Variants in PAQR3 observed in about 807,000 individuals in gnomAD.
PAQR3 encodes the protein progestin and adipoQ receptor family member 3.
A neutral mutation model predicts 41.7 loss-of-function variants in PAQR3; 39 were observed. The observed-to-expected ratio is 0.93, with a 90% CI of 0.72 to 1.22. PAQR3 has a LOEUF of 1.22. Among genes scored for constraint, PAQR3 ranks in the 50% most tolerant of loss-of-function variants. The pLI, the probability that PAQR3 is intolerant of heterozygous loss-of-function variation, is 0.00. For missense variants in PAQR3, 366 were observed against 385.6 expected, an observed-to-expected ratio of 0.95 and a Z score of 0.42; for synonymous variants, 140 against 140.6, an observed-to-expected ratio of 1.00 and a Z score of 0.03.
rs923394095 is a variant in PAQR3, at chr4:78,920,011, A to T, written c.*528T>A. 17 of 985,254 alleles carry T rather than the reference A, an allele frequency of 1.7e-5. No individual in the cohort carries two copies. The African/African-American group carries it at 3.0e-4, about 17-fold the overall frequency. 61.0% of individuals were successfully genotyped at this position (985,254 alleles called of 1,614,324 possible). On this transcript the variant is annotated 3_prime_UTR_variant, in exon 6 of 6. Coordinates refer to ENST00000512733, the MANE Select transcript of PAQR3 (RefSeq NM_001040202.2). ...GAAGAACCTATAGCTAAAGGATATA[A>T]TATCTGAAGTGCCAGTTTCTCACAA... is the stretch of plus-strand genomic sequence containing the variant.
chr4:78,924,039 A>G, intron 4 of PAQR3, 92 bp from the exon 5 acceptor site: 1 of 979,524 alleles, frequency 1.0e-6, no homozygotes, highest in Non-Finnish European at 1.6e-6. Flanking sequence ...TAAGATTGTT[A>G]AATCTGAACT....
rs186202272 is a variant in PAQR3 at position 78,917,789 on chromosome 4, C to T, written c.*2750G>A. On this transcript the variant is annotated 3_prime_UTR_variant, in exon 6 of 6. Transcript: ENST00000512733. ...CCAAATGGAGAGTTGTACAGTTTTACGGAAGTCAATCACAATCTTCAAATC... is the reference window on the plus strand; with the variant it reads ...CCAAATGGAGAGTTGTACAGTTTTATGGAAGTCAATCACAATCTTCAAATC... 37 of 983,236 alleles carry T rather than the reference C, an allele frequency of 3.8e-5. No individual in the cohort carries two copies. Among genetic ancestry groups the T allele is most frequent in the African/African-American group, 3.7e-4 (21 of 57,192 alleles). 60.9% of individuals were successfully genotyped at this position (983,236 alleles called of 1,614,324 possible).
Position 78,917,668 on chromosome 4 carries a change from G to T in PAQR3, c.*2871C>A. The T allele has an allele frequency of 3.4e-6, 1 of 296,680 alleles. No homozygotes were observed. The highest frequency in any genetic ancestry group is 5.0e-6 in the Non-Finnish European group (1 of 200,792). 18.4% of individuals were successfully genotyped at this position (296,680 alleles called of 1,614,324 possible). The stretch of plus-strand genomic sequence containing the variant: ...GGAATGATGATTTACAGTGGACAGG[G>T]ACCTAATGCAGCAAAGCAACCAGCA... On this transcript the variant is annotated 3_prime_UTR_variant, in exon 6 of 6. Transcript: ENST00000512733.
intron 4 of PAQR3, 126 bp downstream of exon 4, chr4:78,926,395 C>T: frequency 1.3e-6 from 1 of 741,200 alleles, no homozygotes; most frequent in Non-Finnish European, 2.2e-6. Flanking sequence ...CATCAACATG[C>T]AATTACAAAT....
At chr4:78,897,489 A>G (rs1733763996) in intron 11 of PAQR3, among the ~76,000 whole-genome samples, 1 of 152,164 alleles carries the variant, frequency 6.6e-6, no homozygotes, top group African/African-American at 2.4e-5. Flanking sequence ...TAAAACTTTG[A>G]ATAATATAGG....
At chr4:78,909,140 CCT>C (rs1046549999), downstream of PAQR3, among the ~76,000 whole-genome samples, 1 of 146,700 alleles carries the variant, frequency 6.8e-6, no homozygotes, top group Non-Finnish European at 1.5e-5. Flanking sequence ...CTCACTGCAA[CCT>C]CTGTCTTCCA....
intron 11 of PAQR3, among the ~76,000 whole-genome samples, chr4:78,903,899 T>C (rs1577978874): frequency 6.6e-6 from 1 of 152,102 alleles, no homozygotes; most frequent in East Asian, 1.9e-4. Context: ...AGTTTAATTG[T>C]AGAATTTACA....
At chr4:78,925,187 T>A (rs1736069318) in intron 4 of PAQR3, among the ~76,000 whole-genome samples, 3 of 151,716 alleles carry the variant, frequency 2.0e-5, no homozygotes, top group Non-Finnish European at 2.9e-5. Context: ...AAAAAAAAAA[T>A]CCCTTTTTCT....
chr4:78,926,055 C>A (rs1311044589), intron 4 of PAQR3, among the ~76,000 whole-genome samples: 1 of 152,166 alleles, frequency 6.6e-6, no homozygotes, highest in Admixed American at 6.5e-5. Context: ...AATCCCAGAT[C>A]CTATCTCTAC....
rs761109410 is a variant in PAQR3 at position 78,926,708 on chromosome 4, T to C, written c.515A>G (p.Gln172Arg). 3 of 1,613,486 alleles carry C rather than the reference T, an allele frequency of 1.9e-6. No homozygotes were observed. The highest frequency in any genetic ancestry group is 1.3e-5 in the African/African-American group (1 of 74,920). Residue 172 changes from glutamine (Q) to arginine (R), a missense_variant, in exon 4 of 6, where the codon CAG becomes CGG. Physicochemically the swap from Gln to Arg is conservative, Grantham distance 43 (BLOSUM62 1). Coordinates refer to ENST00000512733, the MANE Select transcript of PAQR3 (RefSeq NM_001040202.2). ...AGCAAGCACTGTGATCAAGTACACC[T>C]GACGCCAGTACTAGAATGAAAGGAA... Reference protein sequence around the residue: ...YAFYCNNYWRQVYLITVLAMI... With the variant: ...YAFYCNNYWRRVYLITVLAMI...
Position 78,918,987 on chromosome 4 carries a change from T to C in PAQR3, c.*1552A>G. The C allele has an allele frequency of 1.0e-6, 1 of 985,006 alleles. No individual in the cohort carries two copies. The highest frequency in any genetic ancestry group is 4.7e-5 in the South Asian group (1 of 21,282). The allele number at this position is 985,006 out of a possible 1,614,324, so 61.0% of individuals were successfully genotyped here. A position where few individuals can be genotyped will look rare whatever the true frequency, so the allele number is the denominator to read the frequency against. On this transcript the variant is annotated 3_prime_UTR_variant, in exon 6 of 6. Coordinates refer to ENST00000512733, the MANE Select transcript of PAQR3 (RefSeq NM_001040202.2). The stretch of plus-strand genomic sequence containing the variant: ...TCAAAGCAGCCTTCCATCATAACGA[T>C]GGGTAAGACACGGTATTCCTTTACT...
chr4:78,890,136 A>G (rs1283897195), intron 11 of PAQR3, among the ~76,000 whole-genome samples: 3 of 152,166 alleles, frequency 2.0e-5, no homozygotes, highest in African/African-American at 7.2e-5. Context: ...AAGTATGTAT[A>G]TAGTTTAAAA....
Position 78,915,080 on chromosome 4 carries a change from T to C in PAQR3, c.*5459A>G, listed in dbSNP as rs1224003635. On this transcript the variant is annotated 3_prime_UTR_variant, in exon 6 of 6. Coordinates refer to ENST00000512733, the MANE Select transcript of PAQR3 (RefSeq NM_001040202.2). ...GGAGGAGGAAAGGTTGTAGGCCGGA[T>C]GAAAATTTAACTGACTAGAACATTT... The C allele has an allele frequency of 6.6e-6, 1 of 152,050 alleles. No homozygotes were observed. The highest frequency in any genetic ancestry group is 1.5e-5 in the Non-Finnish European group (1 of 67,928). 9.4% of individuals were successfully genotyped at this position (152,050 alleles called of 1,614,324 possible).
intron 11 of PAQR3, among the ~76,000 whole-genome samples, chr4:78,896,633 A>G (rs1163593173): frequency 6.6e-6 from 1 of 152,188 alleles, no homozygotes; most frequent in Non-Finnish European, 1.5e-5. Flanking sequence ...GTGAGATCTC[A>G]ACTATGAGAC....
intron 1 of PAQR3, among the ~76,000 whole-genome samples, chr4:78,936,695 A>C (rs1737460796): frequency 1.3e-5 from 2 of 152,220 alleles, no homozygotes; most frequent in African/African-American, 2.4e-5. Flanking sequence ...ATGTGCTTGA[A>C]ACATCTAACT....
intron 4 of PAQR3, 29 bp downstream of exon 4, chr4:78,926,492 G>C: frequency 1.3e-6 from 2 of 1,532,500 alleles, no homozygotes; most frequent in Non-Finnish European, 8.9e-7. Flanking sequence ...AAAAAAAAAA[G>C]AGAAAAATAT....
intron 11 of PAQR3, among the ~76,000 whole-genome samples, chr4:78,901,718 G>A (rs1300154886): frequency 3.9e-5 from 6 of 152,146 alleles, no homozygotes; most frequent in Non-Finnish European, 7.3e-5. Context: ...ATTATATAAT[G>A]TAGTGTGGAC....
chr4:78,934,720 T>C (rs1336127920), intron 2 of PAQR3, among the ~76,000 whole-genome samples: 2 of 152,174 alleles, frequency 1.3e-5, no homozygotes, highest in African/African-American at 4.8e-5. Context: ...CAGTAAAATA[T>C]AGTATGGAAA....
chr4:78,918,598 G>A lies in PAQR3; in HGVS notation c.*1941C>T, dbSNP rs1258069950. The A allele has an allele frequency of 8.2e-6, 8 of 970,166 alleles. No individual in the cohort carries two copies. The highest frequency in any genetic ancestry group is 1.2e-4 in the Admixed American group (2 of 16,150). The allele number at this position is 970,166 out of a possible 1,614,324, so 60.1% of individuals were successfully genotyped here. A position where few individuals can be genotyped will look rare whatever the true frequency, so the allele number is the denominator to read the frequency against. On this transcript the variant is annotated 3_prime_UTR_variant, in exon 6 of 6. Transcript: ENST00000512733. ...ACACCCTTTAAATTCAAAGAAACAC[G>A]GATTTAAAAACACAGTATACTCTTT... is the stretch of plus-strand genomic sequence containing the variant.
Sources: allele counts gnomAD v4.1 joint callset (sites outside exome capture counted in the v4.1 genomes callset), GRCh38; gene constraint gnomAD v4.1.1; transcripts MANE v1.5; gene names NCBI Gene and HGNC (gene_info 2026-07-23, HGNC 2026-07-21).